Variants in RALYL observed in about 807,000 individuals in gnomAD.
RALYL encodes the protein RALY RNA binding protein like.
Under a neutral mutation model 35.1 loss-of-function variants are expected in RALYL, and 29 were observed. That is an observed-to-expected ratio of 0.83 (90% CI 0.61 to 1.13). The LOEUF is 1.13. Ranked by LOEUF, RALYL falls within the 50% of genes most tolerant of loss-of-function variation. RALYL has a pLI of 0.00. For synonymous variants in RALYL, 120 were observed against 127.6 expected, an observed-to-expected ratio of 0.94 and a Z score of 0.40; for missense variants, 359 against 360.4, an observed-to-expected ratio of 1.00 and a Z score of 0.03.
At chr8:84,621,314 G>A (rs558138417) in intron 2 of RALYL, among the ~76,000 whole-genome samples, 26 of 152,292 alleles carry the variant, frequency 1.7e-4, no homozygotes, top group African/African-American at 6.3e-4. Context: ...CATTTTTTAA[G>A]CCCGTCGGAA....
chr8:84,436,932 G>T (rs1587250416), intron 1 of RALYL, among the ~76,000 whole-genome samples: 1 of 151,794 alleles, frequency 6.6e-6, no homozygotes, highest in Non-Finnish European at 1.5e-5. Context: ...TCTTACATGG[G>T]TATAATGAGT....
Position 84,838,618 on chromosome 8 carries a change from T to A in RALYL, c.366-11362T>A, listed in dbSNP as rs543837928. Among the ~76,000 whole-genome samples the A allele has an allele frequency of 2.0e-5, 3 of 152,362 alleles. No homozygotes were observed. The East Asian group carries it at 5.8e-4, about 29-fold the overall frequency. On this transcript the variant is annotated intron_variant, in intron 4 of 8. Transcript: ENST00000521268. ...AAATTGAGTTTATGATGGCAGGCAG[T>A]GGAACCTGAGAATCAAACAATTCAG...
Position 84,420,117 on chromosome 8 carries a change from C to T in RALYL, c.-23-109182C>T, listed in dbSNP as rs1587018143. ...GTAGTTCTAGATCCCTGAGGAATCG[C>T]CACACTGACTTCCACAATGGTTGAA... On this transcript the variant is annotated intron_variant, in intron 1 of 8. Coordinates refer to ENST00000521268, the MANE Select transcript of RALYL (RefSeq NM_173848.7). Among the ~76,000 whole-genome samples the T allele has an allele frequency of 2.0e-5, 3 of 151,868 alleles. No individual in the cohort carries two copies. In the East Asian group the frequency reaches 5.8e-4, roughly 30 times the overall value.
chr8:84,774,737 C>A, intron 3 of RALYL, 83 bp downstream of exon 3: 1 of 835,484 alleles, frequency 1.2e-6, no homozygotes, highest in Non-Finnish European at 1.9e-6. Flanking sequence ...TGTAAGGCAT[C>A]CACTATTTAA....
chr8:84,425,479 C>T (rs1425743020), intron 1 of RALYL, among the ~76,000 whole-genome samples: 1 of 152,190 alleles, frequency 6.6e-6, no homozygotes, highest in Non-Finnish European at 1.5e-5. Context: ...CACCCAGTAC[C>T]TCAGATGGAA....
At chr8:84,820,756 G>C (rs552854614) in intron 4 of RALYL, among the ~76,000 whole-genome samples, 1 of 151,926 alleles carries the variant, frequency 6.6e-6, no homozygotes, top group Non-Finnish European at 1.5e-5. Flanking sequence ...CCCTGTGTCC[G>C]TGTGTTCTCA....
chr8:84,913,945 TAATCTTTG>T (rs780018134), intron 8 of RALYL, among the ~76,000 whole-genome samples: 59 of 151,974 alleles, frequency 3.9e-4, no homozygotes, highest in Non-Finnish European at 7.7e-4. Context: ...TATTATATTG[TAATCTTTG>T]AATGTGTATA....
chr8:84,849,373 T>A (rs528904655), intron 4 of RALYL, among the ~76,000 whole-genome samples: 1 of 152,208 alleles, frequency 6.6e-6, no homozygotes, highest in African/African-American at 2.4e-5. Context: ...CTATAATGAA[T>A]GGGTTATTAA....
intron 1 of RALYL, among the ~76,000 whole-genome samples, chr8:84,309,156 T>A (rs2129725356): frequency 6.6e-6 from 1 of 151,552 alleles, no homozygotes; most frequent in East Asian, 1.9e-4. Flanking sequence ...AACTTTAATT[T>A]GCCTGTCTTA....
chr8:84,461,471 A>C (rs951801961), intron 1 of RALYL, among the ~76,000 whole-genome samples: 7 of 151,702 alleles, frequency 4.6e-5, no homozygotes, highest in African/African-American at 1.7e-4. Flanking sequence ...CATAATTGAC[A>C]ATAAAGGAAT....
intron 1 of RALYL, among the ~76,000 whole-genome samples, chr8:84,479,878 G>A (rs1395707593): frequency 6.6e-6 from 1 of 152,126 alleles, no homozygotes; most frequent in Non-Finnish European, 1.5e-5. Context: ...AATGACTTCA[G>A]ATCACCAGGG....
intron 1 of RALYL, among the ~76,000 whole-genome samples, chr8:84,339,350 G>A (rs140931496): frequency 7.7e-4 from 117 of 152,030 alleles, no homozygotes; most frequent in African/African-American, 2.3e-3. Context: ...CCAATTCCTC[G>A]CATTACCACC....
chr8:84,766,418 G>A (rs931071041), intron 2 of RALYL, among the ~76,000 whole-genome samples: 1 of 151,766 alleles, frequency 6.6e-6, no homozygotes, highest in African/African-American at 2.4e-5. Flanking sequence ...TCCCAGCCAG[G>A]CGTGGTGGCT....
intron 1 of RALYL, among the ~76,000 whole-genome samples, chr8:84,353,470 A>G (rs182637587): frequency 6.6e-6 from 1 of 150,592 alleles, no homozygotes; most frequent in East Asian, 1.9e-4. Flanking sequence ...AGACTATAAC[A>G]TGCAGCTTCG....
intron 1 of RALYL, among the ~76,000 whole-genome samples, chr8:84,323,581 G>C (rs1368423642): frequency 6.6e-6 from 1 of 152,010 alleles, no homozygotes; most frequent in Non-Finnish European, 1.5e-5. Flanking sequence ...AAACAGTCTA[G>C]TTTATTCTGT....
intron 1 of RALYL, among the ~76,000 whole-genome samples, chr8:84,413,414 GAA>G (rs200084963): frequency 3.6e-4 from 53 of 148,264 alleles, no homozygotes; most frequent in African/African-American, 1.2e-3. Flanking sequence ...TACTGATGGA[GAA>G]AAAAAAAATC....
intron 2 of RALYL, among the ~76,000 whole-genome samples, chr8:84,624,166 A>T (rs1452354480): frequency 1.3e-5 from 2 of 152,212 alleles, no homozygotes; most frequent in Non-Finnish European, 2.9e-5. Flanking sequence ...TAGTTTTTCA[A>T]GGACAGCCCT....
At chr8:84,664,971 A>G (rs896521646) in intron 2 of RALYL, among the ~76,000 whole-genome samples, 2 of 152,162 alleles carry the variant, frequency 1.3e-5, no homozygotes, top group Non-Finnish European at 2.9e-5. Flanking sequence ...TTTGTCATAT[A>G]TGACTCTTAT....
At chr8:84,864,380 A>G (rs1838735606) in intron 6 of RALYL, among the ~76,000 whole-genome samples, 2 of 152,230 alleles carry the variant, frequency 1.3e-5, no homozygotes. Context: ...GGAAAGATAT[A>G]GATAAGCAAT....
Sources: allele counts gnomAD v4.1 joint callset (sites outside exome capture counted in the v4.1 genomes callset), GRCh38; gene constraint gnomAD v4.1.1; transcripts MANE v1.5; gene names NCBI Gene and HGNC (gene_info 2026-07-23, HGNC 2026-07-21).